COL5A2: variants seen among roughly 807,000 people sequenced by gnomAD.
The protein encoded by COL5A2 is collagen alpha-2(V) chain.
A neutral mutation model predicts 208.2 loss-of-function variants in COL5A2; 23 were observed. That is an observed-to-expected ratio of 0.11 (90% CI 0.08 to 0.16). COL5A2 has a LOEUF of 0.16. Among genes scored for constraint, COL5A2 ranks in the 10% least tolerant of loss-of-function variants. The probability of loss-of-function intolerance (pLI) is 1.00; values close to 1 mark genes in which losing one functional copy is unlikely to be tolerated. For missense variants in COL5A2, 1,590 were observed against 1,956.4 expected (o/e 0.81, Z 3.53); for synonymous variants, 625 against 628.5 (o/e 0.99, Z 0.08).
chr2:189,131,412 G>A (rs1434274869), intron 1 of COL5A2, among the ~76,000 whole-genome samples: 3 of 152,004 alleles, frequency 2.0e-5, no homozygotes, highest in Non-Finnish European at 2.9e-5. Flanking sequence ...AAAATTTCAC[G>A]AAAATATGAA....
intron 30 of COL5A2, among the ~76,000 whole-genome samples, chr2:189,061,130 T>C (rs1576500912): frequency 6.6e-6 from 1 of 152,074 alleles, no homozygotes; most frequent in Non-Finnish European, 1.5e-5. Flanking sequence ...TCCAGAAAGT[T>C]TTTTTTACAA....
chr2:189,301,816 T>C, the COL5A2 span, among the ~76,000 whole-genome samples: 2 of 152,316 alleles, frequency 1.3e-5, no homozygotes, highest in South Asian at 4.1e-4. Context: ...AGAAAACTAA[T>C]TATTACCTAA....
At chr2:189,299,127 CCA>C in the COL5A2 span, among the ~76,000 whole-genome samples, 8 of 151,966 alleles carry the variant, frequency 5.3e-5, no homozygotes, top group African/African-American at 1.9e-4. Context: ...TGTATTAAAC[CCA>C]CAGTTATTTG....
At chr2:189,084,627 T>C (rs1686610623) in intron 11 of COL5A2, among the ~76,000 whole-genome samples, 2 of 152,190 alleles carry the variant, frequency 1.3e-5, no homozygotes, top group South Asian at 4.1e-4. Context: ...AATCTAGAAA[T>C]GTAAGTCTGC....
At chr2:189,325,161 C>A in the COL5A2 span, among the ~76,000 whole-genome samples, 1 of 150,688 alleles carries the variant, frequency 6.6e-6, no homozygotes, top group Non-Finnish European at 1.5e-5. Flanking sequence ...ACACTGGGGC[C>A]TGTTGTGGGG....
At chr2:189,418,047 CA>C in the COL5A2 span, among the ~76,000 whole-genome samples, 2 of 151,434 alleles carry the variant, frequency 1.3e-5, no homozygotes, top group Non-Finnish European at 2.9e-5. Flanking sequence ...TCATGTGGGA[CA>C]GAATTCAAAA....
At chr2:189,039,667 C>T (rs1218971092) in intron 50 of COL5A2, 104 bp from the exon 51 acceptor site, 3 of 1,137,586 alleles carry the variant, frequency 2.6e-6, no homozygotes, top group Admixed American at 2.2e-5. Context: ...TCCAATTTGA[C>T]AGTAAAGGGA....
At chr2:189,172,963 CT>C (rs1415710526) in intron 1 of COL5A2, among the ~76,000 whole-genome samples, 1 of 135,578 alleles carries the variant, frequency 7.4e-6, no homozygotes, top group African/African-American at 2.8e-5. Flanking sequence ...AACATTTTTC[CT>C]CTTCTTTTTT....
intron 45 of COL5A2, among the ~76,000 whole-genome samples, chr2:189,047,070 C>T (rs1685685066): frequency 1.3e-5 from 2 of 149,346 alleles, no homozygotes; most frequent in Non-Finnish European, 3.0e-5. Context: ...TGCAGCGAGA[C>T]GAGATCGTGT....
At position 189,081,132 on chromosome 2, in the gene COL5A2, A is replaced by G. The variant is rs114280344; in HGVS notation, c.853-89T>C. 1.8e-3 allele frequency: 1,780 copies of G among 1,009,264 alleles called. 21 individuals carry two copies. In the African/African-American group the frequency reaches 0.025, roughly 14 times the overall value. 62.5% of individuals were successfully genotyped at this position (1,009,264 alleles called of 1,614,324 possible). A position where few individuals can be genotyped will look rare whatever the true frequency, so the allele number is the denominator to read the frequency against. ...TATCATTTTTTCCCAAAAAATAGCT[A>G]GTACACAGTTTTCCAGCAACATATT... On this transcript the variant is annotated intron_variant, in intron 12 of 53. Transcript: ENST00000374866.
the COL5A2 span, among the ~76,000 whole-genome samples, chr2:189,360,972 G>GT: frequency 0.21 from 29,006 of 140,870 alleles, 2,995 homozygotes; most frequent in South Asian, 0.27. Flanking sequence ...TGGCTGTTCT[G>GT]TTTTTTTTTT....
chr2:189,052,304 C>G, intron 40 of COL5A2, 79 bp from the exon 41 acceptor site: 3 of 1,321,974 alleles, frequency 2.3e-6, no homozygotes, highest in Non-Finnish European at 2.2e-6. Flanking sequence ...TTTTTTTTCA[C>G]AGGAAGACTG....
At chr2:189,230,483 T>A in the COL5A2 span, among the ~76,000 whole-genome samples, 22 of 151,642 alleles carry the variant, frequency 1.5e-4, no homozygotes, top group Non-Finnish European at 2.8e-4. Context: ...TTCCTATAGC[T>A]CAACAGCAAG....
intron 1 of COL5A2, among the ~76,000 whole-genome samples, chr2:189,176,710 C>A (rs1026847816): frequency 6.6e-6 from 1 of 151,860 alleles, no homozygotes; most frequent in Non-Finnish European, 1.5e-5. Context: ...ACCACACGCA[C>A]ACACACACGC....
At chr2:189,090,668 C>A (rs1217944701) in intron 7 of COL5A2, among the ~76,000 whole-genome samples, 3 of 152,110 alleles carry the variant, frequency 2.0e-5, no homozygotes, top group Non-Finnish European at 4.4e-5. Context: ...GTGTTTATTT[C>A]TTATTATGGA....
chr2:189,172,968 C>CT (rs11286911), intron 1 of COL5A2, among the ~76,000 whole-genome samples: 12,391 of 96,598 alleles, frequency 0.13, 1,465 homozygotes, highest in African/African-American at 0.27. Flanking sequence ...TTTTCCTCTT[C>CT]TTTTTTTTTT....
intron 1 of COL5A2, among the ~76,000 whole-genome samples, chr2:189,197,098 T>C (rs79458962): frequency 1.3e-5 from 2 of 152,166 alleles, no homozygotes; most frequent in Non-Finnish European, 2.9e-5. Context: ...TAGAATACTA[T>C]GCAGCCATTA....
At chr2:189,066,970 T>A (rs1686168763) in intron 21 of COL5A2, among the ~76,000 whole-genome samples, 188 bp from the exon 22 acceptor site, 1 of 152,192 alleles carries the variant, frequency 6.6e-6, no homozygotes, top group Admixed American at 6.5e-5. Context: ...TTTATAAAAT[T>A]CAGTATAATT....
chr2:189,229,131 G>A (rs989710377), upstream of COL5A2, among the ~76,000 whole-genome samples: 3 of 151,518 alleles, frequency 2.0e-5, no homozygotes, highest in Admixed American at 1.3e-4. Flanking sequence ...AAGACTCCAC[G>A]AACTAGGAAC....
Sources: allele counts gnomAD v4.1 joint callset (sites outside exome capture counted in the v4.1 genomes callset), GRCh38; gene constraint gnomAD v4.1.1; transcripts MANE v1.5; gene names NCBI Gene and HGNC (gene_info 2026-07-23, HGNC 2026-07-21).